Variants in GATA3 observed in about 807,000 individuals in gnomAD.
GATA3 encodes the protein GATA binding protein 3, also known as trans-acting T-cell-specific transcription factor GATA-3.
Under a neutral mutation model 36.0 loss-of-function variants are expected in GATA3, and 6 were observed. That is an observed-to-expected ratio of 0.17 (90% CI 0.09 to 0.33). The LOEUF (loss-of-function observed/expected upper bound fraction) is 0.33, where lower values mean the gene tolerates loss of function less well. GATA3 is among the 10% of genes least tolerant of loss of function. The pLI, the probability that GATA3 is intolerant of heterozygous loss-of-function variation, is 1.00. For synonymous variants in GATA3, 326 were observed against 273.0 expected, an observed-to-expected ratio of 1.19 and a Z score of -1.92; for missense variants, 514 against 610.1, an observed-to-expected ratio of 0.84 and a Z score of 1.66.
At chr10:8,067,681 G>T (rs1338932044) in intron 4 of GATA3, among the ~76,000 whole-genome samples, 1 of 143,500 alleles carries the variant, frequency 7.0e-6, no homozygotes, top group Admixed American at 6.7e-5. Context: ...TAGCTGGGGC[G>T]GTGGCGGGCG....
chr10:8,074,589 G>C lies in GATA3; in HGVS notation c.*566G>C, dbSNP rs894898082. 2.1e-5 allele frequency: 5 copies of C among 233,962 alleles called. No individual in the cohort carries two copies. Among genetic ancestry groups the C allele is most frequent in the Non-Finnish European group, 4.2e-5 (5 of 118,374 alleles). 14.5% of individuals were successfully genotyped at this position (233,962 alleles called of 1,614,324 possible). A position where few individuals can be genotyped will look rare whatever the true frequency, so the allele number is the denominator to read the frequency against. Reference sequence around the variant, plus strand: ...GTTCAAAGCTGTTGGCCTCTGCAAAGGAAATACCAGTTCTGGGCAATCAGT... The same window carrying C: ...GTTCAAAGCTGTTGGCCTCTGCAAACGAAATACCAGTTCTGGGCAATCAGT... On this transcript the variant is annotated 3_prime_UTR_variant, in exon 6 of 6. Transcript: ENST00000379328.
Position 8,055,976 on chromosome 10 carries a change from G to A in GATA3, c.241+80G>A. 1 of 1,529,866 alleles carries A rather than the reference G, an allele frequency of 6.5e-7. No individual in the cohort carries two copies. Among genetic ancestry groups the A allele is most frequent in the Non-Finnish European group, 8.9e-7 (1 of 1,129,830 alleles). 94.8% of individuals were successfully genotyped at this position (1,529,866 alleles called of 1,614,324 possible). A position where few individuals can be genotyped will look rare whatever the true frequency, so the allele number is the denominator to read the frequency against. On this transcript the variant is annotated intron_variant, in intron 2 of 5. Coordinates refer to ENST00000379328, the MANE Select transcript of GATA3 (RefSeq NM_001002295.2). The surrounding 1 kb of genome is among the most constrained non-coding windows in gnomAD (Gnocchi z 5.4). Reference sequence around the variant, plus strand: ...CGGGGAGGTCGGGAGGGACCTGAGGGCGGGGAGAGGTCAAGCGAAAGCCCC... The same window carrying A: ...CGGGGAGGTCGGGAGGGACCTGAGGACGGGGAGAGGTCAAGCGAAAGCCCC...
chr10:8,045,840 C>T (rs989411768), intron 1 of GATA3, among the ~76,000 whole-genome samples: 1 of 152,150 alleles, frequency 6.6e-6, no homozygotes, highest in Non-Finnish European at 1.5e-5. Context: ...TTTCCCACTG[C>T]AAGGAGGGCA....
chr10:8,060,279 C>G (rs965713169), intron 3 of GATA3, among the ~76,000 whole-genome samples: 1 of 152,170 alleles, frequency 6.6e-6, no homozygotes, highest in Non-Finnish European at 1.5e-5. Flanking sequence ...AGAACCCAGA[C>G]CTGCATGTTC....
chr10:8,049,544 T>TGCCGCAGCGGGCTCCCC (rs1398830988), upstream of GATA3, among the ~76,000 whole-genome samples: 1 of 152,124 alleles, frequency 6.6e-6, no homozygotes, highest in Non-Finnish European at 1.5e-5. Flanking sequence ...CGGGGCGCCC[T>TGCCGCAGCGGGCTCCCC]GCCGCAGCGG....
intron 3 of GATA3, 95 bp from the exon 4 acceptor site, chr10:8,063,898 T>A: frequency 6.4e-7 from 1 of 1,564,740 alleles, no homozygotes; most frequent in Non-Finnish European, 8.8e-7. Context: ...AGGAAAAAAG[T>A]TCTCCATTTT....
At chr10:8,052,092 C>T (rs1832509736), upstream of GATA3, 1 of 152,298 alleles carries the variant, frequency 6.6e-6, no homozygotes, top group African/African-American at 2.4e-5. Flanking sequence ...CGTCCTCTCT[C>T]CCAATTACCC....
At chr10:8,060,924 G>A (rs449868) in intron 3 of GATA3, among the ~76,000 whole-genome samples, 151,087 of 152,226 alleles carry the variant, frequency 0.99, 74,977 homozygotes, top group Middle Eastern at 1. Flanking sequence ...CGTGAAAACC[G>A]AGAACAGCAC....
chr10:8,047,898 G>A (rs76572342), intron 1 of GATA3, among the ~76,000 whole-genome samples: 4,279 of 152,102 alleles, frequency 0.028, 209 homozygotes, highest in African/African-American at 0.099. Context: ...CTCTGAGTCG[G>A]GCACAAACAT....
chr10:8,048,956 G>C (rs1325155476), upstream of GATA3, among the ~76,000 whole-genome samples: 1 of 149,792 alleles, frequency 6.7e-6, no homozygotes, highest in Non-Finnish European at 1.5e-5. Flanking sequence ...GCTGGGGGCG[G>C]AGTGCGGGGG....
chr10:8,065,824 A>G (rs1832829401), intron 4 of GATA3, among the ~76,000 whole-genome samples: 1 of 146,762 alleles, frequency 6.8e-6, no homozygotes, highest in Non-Finnish European at 1.5e-5. Context: ...TCCCCAACCT[A>G]AACACCAAGA....
At chr10:8,046,041 C>A (rs1242594314) in intron 1 of GATA3, among the ~76,000 whole-genome samples, 1 of 152,194 alleles carries the variant, frequency 6.6e-6, no homozygotes, top group African/African-American at 2.4e-5. Context: ...TGGCATACCC[C>A]CGGGAAGCTA....
chr10:8,055,531 A>C lies in GATA3; in HGVS notation c.-125A>C. On this transcript the variant is annotated 5_prime_UTR_variant, in exon 2 of 6. Coordinates refer to ENST00000379328, the MANE Select transcript of GATA3 (RefSeq NM_001002295.2). The surrounding 1 kb of genome is among the most constrained non-coding windows in gnomAD (Gnocchi z 5.4). ...CCAGCCTTCCCATCCCCCCACCGAA[A>C]GCAAATCATTCAACGACCCCCGACC... The C allele has an allele frequency of 1.9e-6, 2 of 1,039,746 alleles. No individual in the cohort carries two copies. Among genetic ancestry groups the C allele is most frequent in the Non-Finnish European group, 2.7e-6 (2 of 728,934 alleles). 64.4% of individuals were successfully genotyped at this position (1,039,746 alleles called of 1,614,324 possible).
In GATA3 at chr10:8,073,723, A is replaced by T. The variant is rs764920043; in HGVS notation, c.1051-16A>T. ...AAAAAAGTAAAAAAAAAAAAAAAAAATTGATCTTTGTTTAGATTAACAGAC... is the reference window on the plus strand; with the variant it reads ...AAAAAAGTAAAAAAAAAAAAAAAAATTTGATCTTTGTTTAGATTAACAGAC... On this transcript the variant is annotated splice_polypyrimidine_tract_variant and intron_variant, in intron 5 of 5. Transcript: ENST00000379328. The T allele has an allele frequency of 1.9e-6, 3 of 1,593,484 alleles. No homozygotes were observed. The highest frequency in any genetic ancestry group is 1.1e-5 in the South Asian group (1 of 87,334).
chr10:8,045,419 C>G (rs1001892653), exon 1 of GATA3: 3 of 152,498 alleles, frequency 2.0e-5, no homozygotes, highest in Non-Finnish European at 4.4e-5. Context: ...GCGGCGGCCA[C>G]AGTGGCGAAC....
Position 8,069,475 on chromosome 10 carries a change from T to G in GATA3, c.927T>G (p.Ser309=). The G allele has an allele frequency of 1.2e-6, 2 of 1,613,898 alleles. No homozygotes were observed. Among genetic ancestry groups the G allele is most frequent in the Non-Finnish European group, 1.7e-6 (2 of 1,179,858 alleles). The change falls in exon 5 of 6, where the codon TCT becomes TCG. Residue 309 remains serine (S), a splice_region_variant and synonymous_variant. Transcript: ENST00000379328. ...CTCTCCTCTCTCCCCACTCTCAGTC[T>G]GCAGCCAGGAGAGCAGGGACGTCCT... The part of the protein sequence containing the change: ...RPLIKPKRRL[S]AARRAGTSCA...
rs371992168 is a variant in GATA3 at position 8,058,317 on chromosome 10, G to A, written c.254G>A (p.Cys85Tyr). The change falls in exon 3 of 6, where the codon TGC becomes TAC. Residue 85 changes from cysteine to tyrosine, a missense_variant. By Grantham distance (194) the Cys-to-Tyr change is radical (BLOSUM62 -2). Coordinates refer to ENST00000379328, the MANE Select transcript of GATA3 (RefSeq NM_001002295.2). ...CGTTGCCCCACAGGGAGCCAGGTGT[G>A]CCGCCCGCCTCTGCTTCATGGATCC... Reference protein sequence around the residue: ...YPPTHHGSQVCRPPLLHGSLP... With the variant: ...YPPTHHGSQVYRPPLLHGSLP... 83 of 1,613,074 alleles carry A rather than the reference G, an allele frequency of 5.1e-5. 1 individual carries two copies. The highest frequency in any genetic ancestry group is 1.3e-4 in the African/African-American group (10 of 74,892).
chr10:8,058,712 C>G lies in GATA3; in HGVS notation c.649C>G (p.His217Asp), dbSNP rs568425942. The change falls in exon 3 of 6, where the codon CAC becomes GAC. Residue 217 changes from histidine to aspartate, a missense_variant. Around this residue, in one of 3 missense-constraint regions of GATA3, gnomAD observed 381 missense variants for 354.3 expected, o/e 1.08. Transcript: ENST00000379328. ...ALGGASSSTH[H>D]PITTYPPYVP... ...GGGTGGAGCCTCCTCGTCGACCCAC[C>G]ACCCCATCACCACCTACCCGCCCTA... is the stretch of plus-strand genomic sequence containing the variant. 4.6e-5 allele frequency: 74 copies of G among 1,612,906 alleles called. 1 individual carries two copies. The South Asian group carries it at 6.8e-4, about 15-fold the overall frequency.
In GATA3 at chr10:8,055,839, C is replaced by T. The variant is rs1320708723; in HGVS notation, c.184C>T (p.Pro62Ser). The T allele has an allele frequency of 1.9e-6, 3 of 1,584,378 alleles. No individual in the cohort carries two copies. Among genetic ancestry groups the T allele is most frequent in the Non-Finnish European group, 2.6e-6 (3 of 1,165,066 alleles). The change falls in exon 2 of 6, where the codon CCC (proline) becomes TCC (serine). Residue 62 changes from proline to serine, a missense_variant. Around this residue, in one of 3 missense-constraint regions of GATA3, gnomAD observed 381 missense variants for 354.3 expected, o/e 1.08. Transcript: ENST00000379328. The surrounding 1 kb of genome is among the most constrained non-coding windows in gnomAD (Gnocchi z 5.4). The stretch of plus-strand genomic sequence containing the variant: ...CGACGGTCAAGGCAACCACGTCCCG[C>T]CCTACTACGGAAACTCGGTCAGGGC... ...NIDGQGNHVP[P>S]YYGNSVRATV...
Sources: allele counts gnomAD v4.1 joint callset (sites outside exome capture counted in the v4.1 genomes callset), GRCh38; gene constraint gnomAD v4.1.1; regional missense constraint gnomAD v4.1.1; non-coding constraint Gnocchi (gnomAD v3.1); transcripts MANE v1.5; gene names NCBI Gene and HGNC (gene_info 2026-07-23, HGNC 2026-07-21).